PDE10A: variants seen among roughly 807,000 people sequenced by gnomAD.
The protein encoded by PDE10A is cAMP and cAMP-inhibited cGMP 3',5'-cyclic phosphodiesterase 10A.
In PDE10A, 39 loss-of-function variants were observed where a neutral mutation model predicts 97.7. The observed-to-expected ratio is 0.40, with a 90% CI of 0.31 to 0.52. The LOEUF (loss-of-function observed/expected upper bound fraction) is 0.52. Among genes scored for constraint, PDE10A ranks in the 20% least tolerant of loss-of-function variants. PDE10A has a pLI of 0.56. For missense variants in PDE10A, 731 were observed against 1,047.8 expected (o/e 0.70, Z 4.17); for synonymous variants, 371 against 376.8 (o/e 0.98, Z 0.18).
chr6:165,953,550 C>A (rs1312205686), intron 1 of PDE10A, among the ~76,000 whole-genome samples: 1 of 151,648 alleles, frequency 6.6e-6, no homozygotes, highest in Non-Finnish European at 1.5e-5. Context: ...GAGATTGTGC[C>A]ACTGCACTCC....
chr6:165,727,530 C>A (rs1004967558), intron 1 of PDE10A, among the ~76,000 whole-genome samples: 1 of 152,136 alleles, frequency 6.6e-6, no homozygotes, highest in Non-Finnish European at 1.5e-5. Flanking sequence ...AAATCTACCC[C>A]CAAATGACAT....
chr6:165,469,934 C>T (rs915351410), intron 3 of PDE10A, among the ~76,000 whole-genome samples: 1 of 152,156 alleles, frequency 6.6e-6, no homozygotes, highest in Non-Finnish European at 1.5e-5. Context: ...TGTAAAGAGA[C>T]AGGCTTTCTG....
At chr6:165,729,201 C>CAA (rs34154347) in intron 1 of PDE10A, among the ~76,000 whole-genome samples, 1,626 of 125,490 alleles carry the variant, frequency 0.013, 16 homozygotes, top group Non-Finnish European at 0.019. Context: ...GACTCCATCT[C>CAA]AAAAAAAAAA....
intron 1 of PDE10A, among the ~76,000 whole-genome samples, chr6:165,599,979 C>T (rs1344979122): frequency 2.0e-5 from 3 of 152,174 alleles, no homozygotes; most frequent in African/African-American, 7.2e-5. Flanking sequence ...GGCCAACTGC[C>T]CTCCCAACAG....
chr6:165,843,649 C>G (rs955485749), intron 1 of PDE10A, among the ~76,000 whole-genome samples: 3 of 152,156 alleles, frequency 2.0e-5, no homozygotes, highest in African/African-American at 7.2e-5. Flanking sequence ...CCTTCATCAC[C>G]CCGCCAAGGC....
intron 2 of PDE10A, among the ~76,000 whole-genome samples, chr6:165,518,177 G>C (rs1781925984): frequency 6.6e-6 from 1 of 151,516 alleles, no homozygotes; most frequent in African/African-American, 2.4e-5. Flanking sequence ...TAAATTATGA[G>C]AGCAGAACAA....
intron 1 of PDE10A, among the ~76,000 whole-genome samples, chr6:165,802,152 T>C (rs1779002541): frequency 6.6e-6 from 1 of 152,208 alleles, no homozygotes; most frequent in Non-Finnish European, 1.5e-5. Flanking sequence ...TCTTCTCCTC[T>C]CTCCCTGGCT....
chr6:165,432,820 A>G (rs1389348843), intron 7 of PDE10A, among the ~76,000 whole-genome samples, 154 bp downstream of exon 7: 1 of 152,202 alleles, frequency 6.6e-6, no homozygotes, highest in Non-Finnish European at 1.5e-5. Flanking sequence ...TTTTAAAATC[A>G]TTATCATTAG....
intron 1 of PDE10A, among the ~76,000 whole-genome samples, chr6:165,719,964 C>CA (rs1445492313): frequency 2.0e-5 from 3 of 152,226 alleles, no homozygotes; most frequent in Non-Finnish European, 4.4e-5. Flanking sequence ...TCTCATCACA[C>CA]AGAGTCCACA....
Position 165,873,612 on chromosome 6 carries a change from A to G in PDE10A, c.-615+113917T>C, listed in dbSNP as rs145149548. Among the ~76,000 whole-genome samples the G allele has an allele frequency of 2.8e-3, 428 of 152,346 alleles. 2 individuals carry two copies. Among genetic ancestry groups the G allele is most frequent in the African/African-American group, 9.8e-3 (406 of 41,584 alleles). On this transcript the variant is annotated intron_variant, in intron 1 of 19. Coordinates refer to the PDE10A transcript ENST00000366882. Reference sequence around the variant, plus strand: ...TTTAAAGATTTTTTTCTTAACTTAAAAAAACTTATTTGGGTTTAAGCTCAG... The same window carrying G: ...TTTAAAGATTTTTTTCTTAACTTAAGAAAACTTATTTGGGTTTAAGCTCAG...
chr6:165,932,840 A>C (rs80167979), intron 1 of PDE10A, among the ~76,000 whole-genome samples: 6,718 of 152,312 alleles, frequency 0.044, 201 homozygotes, highest in Non-Finnish European at 0.062. Flanking sequence ...AGACTCAGGA[A>C]GTTGGTGCAA....
intron 1 of PDE10A, among the ~76,000 whole-genome samples, chr6:165,628,572 CGCCTCAAGTGATTCTCTT>C (rs111985135): frequency 0.022 from 3,398 of 152,138 alleles, 148 homozygotes; most frequent in African/African-American, 0.078. Context: ...TATCCAGGCT[CGCCTCAAGTGATTCTCTT>C]GCCTCAACCT....
At chr6:165,501,263 G>C (rs1042043711) in intron 2 of PDE10A, among the ~76,000 whole-genome samples, 9 of 152,068 alleles carry the variant, frequency 5.9e-5, no homozygotes, top group African/African-American at 1.7e-4. Flanking sequence ...GAACACCTAG[G>C]TAAAAAGTTC....
chr6:165,918,340 C>T (rs1204999623), intron 1 of PDE10A, among the ~76,000 whole-genome samples: 2 of 152,106 alleles, frequency 1.3e-5, no homozygotes, highest in South Asian at 2.1e-4. Flanking sequence ...ATATAATACA[C>T]GTTTTCAGAC....
chr6:165,373,280 G>C (rs1784390043), intron 18 of PDE10A, among the ~76,000 whole-genome samples: 1 of 151,922 alleles, frequency 6.6e-6, no homozygotes, highest in African/African-American at 2.4e-5. Context: ...ACTACCATCA[G>C]AGTGAACAGG....
At chr6:165,957,667 C>T (rs1405248861) in intron 1 of PDE10A, among the ~76,000 whole-genome samples, 2 of 152,168 alleles carry the variant, frequency 1.3e-5, no homozygotes, top group Non-Finnish European at 2.9e-5. Flanking sequence ...GCTCAATAAC[C>T]TCCTTATTAA....
At chr6:165,881,406 T>G (rs1381648738) in intron 1 of PDE10A, among the ~76,000 whole-genome samples, 1 of 145,290 alleles carries the variant, frequency 6.9e-6, no homozygotes, top group East Asian at 2.0e-4. Flanking sequence ...TTTTTTTTTT[T>G]TTTTTTTTGA....
intron 1 of PDE10A, among the ~76,000 whole-genome samples, chr6:165,727,006 G>A (rs1159850371): frequency 6.6e-5 from 10 of 152,144 alleles, no homozygotes; most frequent in Non-Finnish European, 1.5e-4. Flanking sequence ...CACCCTCCTC[G>A]CGTGGGGGGT....
In PDE10A at chr6:165,433,111, C is replaced by A; in HGVS notation, c.1354G>T (p.Gly452Cys). The A allele has an allele frequency of 6.2e-7, 1 of 1,609,402 alleles. No individual in the cohort carries two copies. The highest frequency in any genetic ancestry group is 2.2e-5 in the East Asian group (1 of 44,808). Residue 452 changes from glycine (G) to cysteine (C), a missense_variant, in exon 7 of 22, where the codon GGT (glycine) becomes TGT (cysteine). Gly to Cys is a radical substitution (Grantham distance 159). Transcript: ENST00000539869. Reference sequence around the variant, plus strand: ...CGAGTCCCTGATTCCAGTCCAGTACCTCTTGGAAATCGTTCATCCTGAAAA... The same window carrying A: ...CGAGTCCCTGATTCCAGTCCAGTACATCTTGGAAATCGTTCATCCTGAAAA... ...DILGDERFPR[G>C]TGLESGTRIQ...
Sources: gnomAD v4.1 joint callset for allele counts (sites outside exome capture counted in the v4.1 genomes callset) on GRCh38, gnomAD v4.1.1 for gene constraint, MANE v1.5 for transcripts, NCBI Gene and HGNC (gene_info 2026-07-23, HGNC 2026-07-21) for gene names.